Variants in EPB41L2 observed in about 807,000 individuals in gnomAD.
EPB41L2 encodes the protein band 4.1-like protein 2.
EPB41L2 carries 43 observed loss-of-function variants against 113.0 expected under a neutral mutation model. The ratio of observed to expected loss-of-function variants is 0.38; its 90% CI spans 0.30 to 0.49. EPB41L2 has a LOEUF of 0.49. Ranked by LOEUF, EPB41L2 falls within the 20% of genes least tolerant of loss-of-function variation. The pLI, the probability that EPB41L2 is intolerant of heterozygous loss-of-function variation, is 0.95. For missense variants in EPB41L2, 1,147 were observed against 1,223.4 expected, an observed-to-expected ratio of 0.94 and a Z score of 0.93; for synonymous variants, 442 against 436.7, an observed-to-expected ratio of 1.01 and a Z score of -0.15.
At chr6:130,985,244 C>G (rs1016653558) in intron 1 of EPB41L2, among the ~76,000 whole-genome samples, 1 of 152,136 alleles carries the variant, frequency 6.6e-6, no homozygotes. Flanking sequence ...CTACCTTTGG[C>G]CTGCTCCTCC....
intron 1 of EPB41L2, among the ~76,000 whole-genome samples, chr6:131,001,772 G>A (rs888621796): frequency 2.6e-5 from 4 of 151,942 alleles, no homozygotes; most frequent in South Asian, 4.1e-4. Flanking sequence ...TCCTAGCAAC[G>A]AAAGTTACTT....
At chr6:131,059,107 C>A (rs891773338) in intron 1 of EPB41L2, among the ~76,000 whole-genome samples, 7 of 118,728 alleles carry the variant, frequency 5.9e-5, no homozygotes, top group Non-Finnish European at 1.2e-4. Flanking sequence ...TCTTGGCTTA[C>A]CTATAACTTT....
chr6:130,922,387 T>C (rs1277888526), intron 4 of EPB41L2, among the ~76,000 whole-genome samples: 4 of 152,230 alleles, frequency 2.6e-5, no homozygotes, highest in Non-Finnish European at 5.9e-5. Context: ...TGAGGCAACA[T>C]GGTATTCTTC....
chr6:130,945,878 G>A (rs945108145), intron 3 of EPB41L2, among the ~76,000 whole-genome samples: 12 of 151,988 alleles, frequency 7.9e-5, no homozygotes, highest in African/African-American at 2.9e-4. Context: ...GTATGTAAAT[G>A]ACCTTAGCAG....
At chr6:130,928,212 T>C (rs1172860507) in intron 3 of EPB41L2, among the ~76,000 whole-genome samples, 1 of 152,236 alleles carries the variant, frequency 6.6e-6, no homozygotes, top group African/African-American at 2.4e-5. Context: ...AAGATAGATA[T>C]GTGCTTGTTT....
intron 3 of EPB41L2, among the ~76,000 whole-genome samples, chr6:130,935,183 A>C (rs898611835): frequency 6.6e-6 from 1 of 152,194 alleles, no homozygotes; most frequent in African/African-American, 2.4e-5. Flanking sequence ...CACACACTAG[A>C]CTAGAACAGA....
chr6:130,940,969 A>C (rs9492763), intron 3 of EPB41L2, among the ~76,000 whole-genome samples: 18,885 of 152,180 alleles, frequency 0.12, 1,486 homozygotes, highest in African/African-American at 0.2. Context: ...TTACTGTCTT[A>C]TATGTAAAGC....
chr6:130,953,412 T>G (rs1583864317), intron 3 of EPB41L2, among the ~76,000 whole-genome samples: 1 of 151,994 alleles, frequency 6.6e-6, no homozygotes, highest in Non-Finnish European at 1.5e-5. Context: ...CCTATGGTGG[T>G]GGCATTAAGA....
chr6:130,892,450 T>C (rs1413132298), intron 10 of EPB41L2, among the ~76,000 whole-genome samples: 1 of 142,182 alleles, frequency 7.0e-6, no homozygotes, highest in Admixed American at 7.5e-5. Flanking sequence ...AAAGCTGTTG[T>C]CTGCCCAGCT....
chr6:130,848,853 A>G (rs1777895723), intron 19 of EPB41L2, among the ~76,000 whole-genome samples: 1 of 152,240 alleles, frequency 6.6e-6, no homozygotes, highest in Non-Finnish European at 1.5e-5. Context: ...AAGCCTTGAG[A>G]TAAATCAATC....
At chr6:130,975,522 G>A (rs1777990915) in intron 1 of EPB41L2, among the ~76,000 whole-genome samples, 1 of 152,126 alleles carries the variant, frequency 6.6e-6, no homozygotes, top group Non-Finnish European at 1.5e-5. Context: ...AAAACCTTAA[G>A]AGACACAAAC....
chr6:130,845,230 C>T (rs1182216760), intron 19 of EPB41L2, among the ~76,000 whole-genome samples: 1 of 152,226 alleles, frequency 6.6e-6, no homozygotes, highest in Non-Finnish European at 1.5e-5. Flanking sequence ...AGAGTCAAAA[C>T]TGTTTTCATT....
At chr6:130,953,835 G>A (rs1406010609) in intron 3 of EPB41L2, among the ~76,000 whole-genome samples, 1 of 151,716 alleles carries the variant, frequency 6.6e-6, no homozygotes, top group Non-Finnish European at 1.5e-5. Context: ...AGAAAGGAGG[G>A]GCCATCCTGG....
chr6:131,040,685 G>C (rs1016662787), intron 1 of EPB41L2, among the ~76,000 whole-genome samples: 1 of 152,144 alleles, frequency 6.6e-6, no homozygotes, highest in African/African-American at 2.4e-5. Context: ...ACAACAGGGA[G>C]ATCTGTCATC....
At chr6:130,856,189 T>A (rs2128419001) in intron 19 of EPB41L2, among the ~76,000 whole-genome samples, 1 of 152,286 alleles carries the variant, frequency 6.6e-6, no homozygotes, top group African/African-American at 2.4e-5. Context: ...AATATCTTTA[T>A]CACCTAGGGG....
intron 1 of EPB41L2, among the ~76,000 whole-genome samples, chr6:131,048,138 C>CA (rs200522047): frequency 0.16 from 8,471 of 51,910 alleles, 752 homozygotes; most frequent in African/African-American, 0.26. Flanking sequence ...GACTCTGTCT[C>CA]AAAAAAAAAA....
At chr6:131,053,189 C>A (rs1021735799) in intron 1 of EPB41L2, among the ~76,000 whole-genome samples, 4 of 151,744 alleles carry the variant, frequency 2.6e-5, no homozygotes, top group African/African-American at 9.7e-5. Context: ...AATCACCGTG[C>A]CCAGCAAGTA....
chr6:131,057,699 C>T (rs563107344), intron 1 of EPB41L2, among the ~76,000 whole-genome samples: 32 of 152,248 alleles, frequency 2.1e-4, no homozygotes, highest in Middle Eastern at 3.4e-3. Flanking sequence ...TGGAAAAAGG[C>T]AACTGAAGGG....
chr6:130,858,422 T>C, intron 18 of EPB41L2, 179 bp from the exon 19 acceptor site: 1 of 501,134 alleles, frequency 2.0e-6, no homozygotes, highest in South Asian at 2.6e-5. Flanking sequence ...AGACTGCTTC[T>C]CATTTCCTAA....
Sources: gnomAD v4.1 joint callset for allele counts (sites outside exome capture counted in the v4.1 genomes callset) on GRCh38, gnomAD v4.1.1 for gene constraint, MANE v1.5 for transcripts, NCBI Gene and HGNC (gene_info 2026-07-23, HGNC 2026-07-21) for gene names.